The following ANTXR2 variants were observed in gnomAD, a reference collection of about 807,000 sequenced individuals.
The protein encoded by ANTXR2 is anthrax toxin receptor 2.
In ANTXR2, 44 loss-of-function variants were observed where a neutral mutation model predicts 73.7. That is an observed-to-expected ratio of 0.60 (90% CI 0.47 to 0.77). ANTXR2 has a LOEUF of 0.77. Among genes scored for constraint, ANTXR2 ranks in the 30% least tolerant of loss-of-function variants. The pLI, the probability that ANTXR2 is intolerant of heterozygous loss-of-function variation, is 0.00. For synonymous variants in ANTXR2, 217 were observed against 205.9 expected (o/e 1.05, Z -0.46); for missense variants, 604 against 592.5 (o/e 1.02, Z -0.20).
intron 10 of ANTXR2, among the ~76,000 whole-genome samples, chr4:80,024,362 A>C (rs1732317043): frequency 6.6e-6 from 1 of 152,222 alleles, no homozygotes. Flanking sequence ...CAGCAGACTT[A>C]AAGCTAGTAA....
intron 3 of ANTXR2, among the ~76,000 whole-genome samples, chr4:80,058,613 T>A (rs1405543810): frequency 6.6e-6 from 1 of 151,390 alleles, no homozygotes; most frequent in African/African-American, 2.4e-5. Flanking sequence ...GGTAAACAGT[T>A]AACGGTGAAA....
intron 11 of ANTXR2, among the ~76,000 whole-genome samples, chr4:80,012,071 A>G (rs7682733): frequency 0.1 from 15,846 of 152,274 alleles, 1,888 homozygotes; most frequent in East Asian, 0.64. Context: ...GTTTCAAAAG[A>G]GCATTAGTTA....
At chr4:80,044,520 A>G (rs1733425936) in intron 7 of ANTXR2, among the ~76,000 whole-genome samples, 2 of 151,950 alleles carry the variant, frequency 1.3e-5, no homozygotes, top group Non-Finnish European at 2.9e-5. Flanking sequence ...ATAAATTAAG[A>G]TGGGGAGATA....
In ANTXR2 at chr4:79,989,976, T is replaced by A. The variant is rs1452430379; in HGVS notation, c.1042-5113A>T. 4.1e-5 allele frequency among the ~76,000 whole-genome samples: 5 copies of A among 121,188 alleles called. No homozygotes were observed. The South Asian group carries it at 1.2e-3, about 30-fold the overall frequency. 79.5% of individuals were successfully genotyped at this position (121,188 alleles called of 152,430 possible). On this transcript the variant is annotated intron_variant, in intron 12 of 16. Coordinates refer to ENST00000403729, the MANE Select transcript of ANTXR2 (RefSeq NM_058172.6). Reference sequence around the variant, plus strand: ...TCAACAAACTAGGCATCAAAAAAAATATCTCAAAATAGTAAGAACCATCTA... The same window carrying A: ...TCAACAAACTAGGCATCAAAAAAAAAATCTCAAAATAGTAAGAACCATCTA...
chr4:79,976,246 T>C (rs2110009941), intron 16 of ANTXR2, among the ~76,000 whole-genome samples: 1 of 151,958 alleles, frequency 6.6e-6, no homozygotes, highest in East Asian at 1.9e-4. Flanking sequence ...TCCCCTGAAG[T>C]TGAAGTTCAT....
rs1411591232 is a variant in ANTXR2, at chr4:79,905,022, G to A, written c.*2407C>T. Reference sequence around the variant, plus strand: ...GGGCAATGAAATTCCATCAGTCTTTGAACTTTATTAATGATATTTTTTCAG... The same window carrying A: ...GGGCAATGAAATTCCATCAGTCTTTAAACTTTATTAATGATATTTTTTCAG... On this transcript the variant is annotated 3_prime_UTR_variant, in exon 17 of 17. Transcript: ENST00000403729. The A allele has an allele frequency of 6.6e-6, 1 of 152,036 alleles. No homozygotes were observed. The highest frequency in any genetic ancestry group is 1.5e-5 in the Non-Finnish European group (1 of 67,978). The allele number at this position is 152,036 out of a possible 1,614,324, so 9.4% of individuals were successfully genotyped here.
chr4:79,999,832 A>G (rs1361735062), intron 12 of ANTXR2, among the ~76,000 whole-genome samples: 1 of 151,956 alleles, frequency 6.6e-6, no homozygotes, highest in Non-Finnish European at 1.5e-5. Flanking sequence ...CTGAGGCAGG[A>G]GGATCCCTTA....
At chr4:79,988,592 G>C (rs1474041708) in intron 12 of ANTXR2, among the ~76,000 whole-genome samples, 2 of 151,950 alleles carry the variant, frequency 1.3e-5, no homozygotes. Context: ...ACAGATCATT[G>C]AAGCAGAAAA....
In ANTXR2 at chr4:79,904,456, T is replaced by C. The variant is rs1726830310; in HGVS notation, c.*2973A>G. On this transcript the variant is annotated 3_prime_UTR_variant, in exon 17 of 17. Transcript: ENST00000403729. ...GGGAAGGAAATATAAATTTTTAAAA[T>C]AGAATTAACTTAGGGAAAGGCATCA... The C allele has an allele frequency of 6.6e-6, 1 of 152,084 alleles. No homozygotes were observed. Among genetic ancestry groups the C allele is most frequent in the Non-Finnish European group, 1.5e-5 (1 of 67,972 alleles). The allele number at this position is 152,084 out of a possible 1,614,324, so 9.4% of individuals were successfully genotyped here. A position where few individuals can be genotyped will look rare whatever the true frequency, so the allele number is the denominator to read the frequency against.
At chr4:79,989,253 TAATA>T in intron 12 of ANTXR2, among the ~76,000 whole-genome samples, 1 of 151,750 alleles carries the variant, frequency 6.6e-6, no homozygotes, top group Non-Finnish European at 1.5e-5. Flanking sequence ...CTAACTAGAT[TAATA>T]AATAAAAAAA....
chr4:79,920,543 G>T (rs1002191012), intron 16 of ANTXR2, among the ~76,000 whole-genome samples: 1 of 152,068 alleles, frequency 6.6e-6, no homozygotes, highest in Admixed American at 6.6e-5. Flanking sequence ...TGCTGGAGAA[G>T]TTGCAATTTT....
At chr4:80,066,526 T>C (rs1232829451) in intron 3 of ANTXR2, among the ~76,000 whole-genome samples, 1 of 152,244 alleles carries the variant, frequency 6.6e-6, no homozygotes, top group Non-Finnish European at 1.5e-5. Flanking sequence ...TGGAATATTA[T>C]AAATCCTTTT....
chr4:80,045,879 A>C (rs11947800), intron 7 of ANTXR2, among the ~76,000 whole-genome samples: 23,276 of 151,598 alleles, frequency 0.15, 2,603 homozygotes, highest in African/African-American at 0.32. Context: ...TTTTTCTCTA[A>C]GGGGTAATAC....
At chr4:80,046,658 A>T (rs556678528) in intron 7 of ANTXR2, among the ~76,000 whole-genome samples, 1 of 151,916 alleles carries the variant, frequency 6.6e-6, no homozygotes, top group Admixed American at 6.6e-5. Context: ...TCAGAAATCC[A>T]GGATGGCAAA....
intron 16 of ANTXR2, among the ~76,000 whole-genome samples, chr4:79,933,402 C>G (rs1456491057): frequency 6.6e-6 from 1 of 152,064 alleles, no homozygotes; most frequent in Non-Finnish European, 1.5e-5. Context: ...AAAAAGAAAA[C>G]AATACCACCT....
chr4:80,054,491 C>A (rs1193683799), intron 6 of ANTXR2, 139 bp from the exon 7 acceptor site: 1 of 618,416 alleles, frequency 1.6e-6, no homozygotes. Context: ...TGTTCAAGGT[C>A]AGGAATTAAA....
rs142514935 is a variant in ANTXR2, at chr4:79,935,271, T to G, written c.1429-27804A>C. Among the ~76,000 whole-genome samples the G allele has an allele frequency of 1.5e-3, 234 of 151,846 alleles. 2 individuals are homozygous for G. Among genetic ancestry groups the G allele is most frequent in the East Asian group, 0.011 (55 of 5,168 alleles). ...CATTGACCAATTAGAAAAAGCACCC[T>G]TTCCTCCAGGCTGGATTTCAGCAGT... On this transcript the variant is annotated intron_variant, in intron 16 of 16. Coordinates refer to ENST00000403729, the MANE Select transcript of ANTXR2 (RefSeq NM_058172.6).
intron 16 of ANTXR2, among the ~76,000 whole-genome samples, chr4:79,964,227 T>C (rs1038030479): frequency 2.0e-5 from 3 of 152,216 alleles, no homozygotes; most frequent in African/African-American, 7.2e-5. Context: ...GGAGATTTAA[T>C]TGGTTTGTGG....
chr4:80,049,446 T>C (rs1259217408), intron 7 of ANTXR2, among the ~76,000 whole-genome samples: 1 of 151,562 alleles, frequency 6.6e-6, no homozygotes, highest in East Asian at 2.0e-4. Flanking sequence ...AAGTGGAAAG[T>C]GAAAAAGAGA....
Sources: gnomAD v4.1 joint callset for allele counts (sites outside exome capture counted in the v4.1 genomes callset) on GRCh38, gnomAD v4.1.1 for gene constraint, MANE v1.5 for transcripts, NCBI Gene and HGNC (gene_info 2026-07-23, HGNC 2026-07-21) for gene names.